The following KCNK12 variants were observed in gnomAD, a reference collection of about 807,000 sequenced individuals.
KCNK12 encodes potassium channel subfamily K member 12.
Under a neutral mutation model 25.3 loss-of-function variants are expected in KCNK12, and 6 were observed. That is an observed-to-expected ratio of 0.24 (90% confidence interval 0.13 to 0.47). The LOEUF is 0.47. Among genes scored for constraint, KCNK12 ranks in the 20% least tolerant of loss-of-function variants. KCNK12 has a pLI of 0.99. For missense variants in KCNK12, 444 were observed against 661.7 expected, an observed-to-expected ratio of 0.67 and a Z score of 3.61; for synonymous variants, 331 against 311.1, an observed-to-expected ratio of 1.06 and a Z score of -0.67.
rs1370371617 is a variant in KCNK12, at chr2:47,565,356, G to C, written c.391+4585C>G. 2 of 152,160 alleles carry C rather than the reference G, an allele frequency of 1.3e-5. No homozygotes were observed. Among genetic ancestry groups the C allele is most frequent in the Non-Finnish European group, 2.9e-5 (2 of 68,026 alleles). 9.4% of individuals were successfully genotyped at this position (152,160 alleles called of 1,614,324 possible). ...CTTAGTTTCCTTTGTAGCAAAAAGA[G>C]TTTTAAAAATCCATGTTGAAAAAGA... is the stretch of plus-strand genomic sequence containing the variant. On this transcript the variant is annotated intron_variant, in intron 1 of 1. Transcript: ENST00000327876. The surrounding 1 kb of genome is among the most constrained non-coding windows in gnomAD (Gnocchi z 5.0).
In KCNK12 at chr2:47,520,165, C is replaced by G. The variant is rs1366055839; in HGVS notation, c.*742G>C. 6.6e-6 allele frequency: 1 copy of G among 152,300 alleles called. No homozygotes were observed. The highest frequency in any genetic ancestry group is 1.5e-5 in the Non-Finnish European group (1 of 68,132). The allele number at this position is 152,300 out of a possible 1,614,324, so 9.4% of individuals were successfully genotyped here. On this transcript the variant is annotated 3_prime_UTR_variant, in exon 2 of 2. Transcript: ENST00000327876. This position sits in a 1 kb window ranked among gnomAD's most constrained non-coding sequence, Gnocchi z 5.0. Reference sequence around the variant, plus strand: ...AGCTAAAAGCCCAGCAGGGCTCCTGCAGCCTCACCGCTCCCCTCCTCACAG... The same window carrying G: ...AGCTAAAAGCCCAGCAGGGCTCCTGGAGCCTCACCGCTCCCCTCCTCACAG...
Position 47,551,677 on chromosome 2 carries a change from C to T in KCNK12, c.391+18264G>A, listed in dbSNP as rs188221195. Among the ~76,000 whole-genome samples, 14 of 152,332 alleles carry T rather than the reference C, an allele frequency of 9.2e-5. No individual in the cohort carries two copies. The highest frequency in any genetic ancestry group is 7.7e-4 in the East Asian group (4 of 5,188). On this transcript the variant is annotated intron_variant, in intron 1 of 1. Transcript: ENST00000327876. The surrounding 1 kb of genome is among the most constrained non-coding windows in gnomAD (Gnocchi z 5.3). ...AATCAGTATTACCCCCTACCCCACA[C>T]GGCACCATATTTTTCTGGAGCTCTC... is the stretch of plus-strand genomic sequence containing the variant.
rs75635998 is a variant in KCNK12, at chr2:47,559,954, C to T, written c.391+9987G>A. On this transcript the variant is annotated intron_variant, in intron 1 of 1. Transcript: ENST00000327876. ...GGCTTAAAGTGCGAGGTAAGGGGGACAGAAGTTAAGGGTGGCTAGAGAAGA... is the reference window on the plus strand; with the variant it reads ...GGCTTAAAGTGCGAGGTAAGGGGGATAGAAGTTAAGGGTGGCTAGAGAAGA... Among the ~76,000 whole-genome samples, 396 of 152,262 alleles carry T rather than the reference C, an allele frequency of 2.6e-3. 3 individuals are homozygous for T. The highest frequency in any genetic ancestry group is 0.01 in the South Asian group (50 of 4,828).
chr2:47,523,711 T>G (rs1318552997), intron 1 of KCNK12, among the ~76,000 whole-genome samples: 1 of 152,136 alleles, frequency 6.6e-6, no homozygotes, highest in African/African-American at 2.4e-5. Flanking sequence ...GGGTTTCATC[T>G]CTTGGTGGAA....
chr2:47,548,764 G>T lies in KCNK12; in HGVS notation c.391+21177C>A, dbSNP rs1669365065. Among the ~76,000 whole-genome samples the T allele has an allele frequency of 6.6e-6, 1 of 152,226 alleles. No homozygotes were observed. The highest frequency in any genetic ancestry group is 2.1e-4 in the South Asian group (1 of 4,832). ...TCCCTGAGAGAAGGGAAACAAACAA[G>T]GTGAGCCCTTCAAAAGCCCTGGTTT... On this transcript the variant is annotated intron_variant, in intron 1 of 1. Coordinates refer to ENST00000327876, the MANE Select transcript of KCNK12 (RefSeq NM_022055.2). This position sits in a 1 kb window ranked among gnomAD's most constrained non-coding sequence, Gnocchi z 4.4.
chr2:47,524,822 C>A (rs115698760), intron 1 of KCNK12, among the ~76,000 whole-genome samples: 418 of 152,244 alleles, frequency 2.7e-3, no homozygotes, highest in African/African-American at 9.4e-3. Context: ...GTACCCATCA[C>A]TGTATAGGTG....
rs1416765055 is a variant in KCNK12, at chr2:47,521,495, G to A, written c.705C>T (p.Tyr235=). ...VLLSCCASAM[Y]TSVEGWDYVD... is the part of the protein sequence containing the mutation. The stretch of plus-strand genomic sequence containing the variant: ...CGTAGTCCCAGCCCTCCACGCTGGT[G>A]TACATGGCCGAGGCGCAGCAGGACA... Residue 235 remains tyrosine, a synonymous_variant, in exon 2 of 2, where the codon TAC becomes TAT. Transcript: ENST00000327876. 6.2e-7 allele frequency: 1 copy of A among 1,601,186 alleles called. No individual in the cohort carries two copies.
At position 47,556,619 on chromosome 2, in the gene KCNK12, G is replaced by A. The variant is rs772021309; in HGVS notation, c.391+13322C>T. 5.8e-4 allele frequency among the ~76,000 whole-genome samples: 88 copies of A among 152,150 alleles called. No individual in the cohort carries two copies. Among genetic ancestry groups the A allele is most frequent in the East Asian group, 5.8e-4 (3 of 5,192 alleles). On this transcript the variant is annotated intron_variant, in intron 1 of 1. Transcript: ENST00000327876. This position sits in a 1 kb window ranked among gnomAD's most constrained non-coding sequence, Gnocchi z 4.8. ...CTGCTTGAGGGCAGATGAAGAATACGTGGGAAGTTGGTATTTTGATAGGGG... is the reference window on the plus strand; with the variant it reads ...CTGCTTGAGGGCAGATGAAGAATACATGGGAAGTTGGTATTTTGATAGGGG...
chr2:47,533,594 C>T lies in KCNK12; in HGVS notation c.392-11786G>A, dbSNP rs896292016. Among the ~76,000 whole-genome samples the T allele has an allele frequency of 4.6e-5, 7 of 152,236 alleles. No homozygotes were observed. The highest frequency in any genetic ancestry group is 1.0e-4 in the Non-Finnish European group (7 of 68,042). On this transcript the variant is annotated intron_variant, in intron 1 of 1. Coordinates refer to ENST00000327876, the MANE Select transcript of KCNK12 (RefSeq NM_022055.2). The surrounding 1 kb of genome is among the most constrained non-coding windows in gnomAD (Gnocchi z 4.7). ...ATTGGCTCGCCGTTCTCCTACCTCG[C>T]TGGGCCTCCATCTCCCCACCTCTGG...
chr2:47,516,158 C>T lies in KCNK12; in HGVS notation c.*4749G>A, dbSNP rs1668519370. Among the ~76,000 whole-genome samples the T allele has an allele frequency of 6.6e-6, 1 of 152,182 alleles. No homozygotes were observed. The highest frequency in any genetic ancestry group is 2.4e-5 in the African/African-American group (1 of 41,436). ...CTAAGTGGACGCTCTTTCTACACCA[C>T]CATAATGTGAGTGTTCTGTGTTTAC... On this transcript the variant is annotated 3_prime_UTR_variant, in exon 2 of 2. Transcript: ENST00000327876.
Position 47,569,376 on chromosome 2 carries a change from G to C in KCNK12, c.391+565C>G, listed in dbSNP as rs551490965. On this transcript the variant is annotated intron_variant, in intron 1 of 1. Transcript: ENST00000327876. This position sits in a 1 kb window ranked among gnomAD's most constrained non-coding sequence, Gnocchi z 4.1. ...CCTCAGGCTAACGGGCTTTACTTTG[G>C]GGGGCGGTATAGACTGTAGGAGAAG... Among the ~76,000 whole-genome samples the C allele has an allele frequency of 3.3e-5, 5 of 152,138 alleles. No homozygotes were observed. Among genetic ancestry groups the C allele is most frequent in the Admixed American group, 6.5e-5 (1 of 15,278 alleles).
intron 1 of KCNK12, among the ~76,000 whole-genome samples, chr2:47,534,516 C>CA (rs1669012033): frequency 5.0e-5 from 1 of 19,894 alleles, no homozygotes; most frequent in African/African-American, 3.5e-4. Context: ...CCCCTTCTAA[C>CA]CCCCCCCCCC....
intron 1 of KCNK12, among the ~76,000 whole-genome samples, chr2:47,561,674 T>A (rs1415404249): frequency 6.6e-6 from 1 of 152,162 alleles, no homozygotes; most frequent in African/African-American, 2.4e-5. Flanking sequence ...CACCCATGGG[T>A]TAGAGCCTTC....
intron 1 of KCNK12, among the ~76,000 whole-genome samples, chr2:47,541,978 T>TAGC (rs908359477): frequency 2.0e-4 from 31 of 152,216 alleles, no homozygotes; most frequent in South Asian, 1.7e-3. Context: ...CTGTTTTCTG[T>TAGC]AGCAGCAGCA....
chr2:47,542,211 G>A (rs1348214873), intron 1 of KCNK12, among the ~76,000 whole-genome samples: 1 of 152,168 alleles, frequency 6.6e-6, no homozygotes, highest in Non-Finnish European at 1.5e-5. Context: ...GGCTCTCTCT[G>A]ACGCAGCTCT....
intron 1 of KCNK12, among the ~76,000 whole-genome samples, chr2:47,535,437 TGCACCCCTCCTCTAATGGGGGC>T (rs572889812): frequency 4.0e-5 from 6 of 151,814 alleles, no homozygotes; most frequent in South Asian, 2.1e-4. Flanking sequence ...AGGGGTAAGG[TGCACCCCTCCTCTAATGGGGGC>T]GCACCCCTCC....
chr2:47,559,814 C>T (rs1443787568), intron 1 of KCNK12, among the ~76,000 whole-genome samples: 1 of 152,150 alleles, frequency 6.6e-6, no homozygotes, highest in East Asian at 1.9e-4. Context: ...ACAGTAGGTC[C>T]CTCTCTAGTG....
In KCNK12 at chr2:47,521,607, G is replaced by C. The variant is rs1668656345; in HGVS notation, c.593C>G (p.Ser198Cys). The change falls in exon 2 of 2, where the codon TCC becomes TGC. Residue 198 changes from serine (S) to cysteine (C), a missense_variant. Ser to Cys is a moderately radical substitution (Grantham distance 112). This residue lies in a region of KCNK12 where 36 missense variants were observed against 36.4 expected (regional missense o/e 0.99). Coordinates refer to ENST00000327876, the MANE Select transcript of KCNK12 (RefSeq NM_022055.2). ...GLLPATFRRG[S>C]ALSEADSLAG... ...CAGGCTGTCGGCCTCCGAGAGCGCGGAGCCGCGGCGGAAGGTGGCGGGCAG... is the reference window on the plus strand; with the variant it reads ...CAGGCTGTCGGCCTCCGAGAGCGCGCAGCCGCGGCGGAAGGTGGCGGGCAG... The C allele has an allele frequency of 6.4e-7, 1 of 1,567,264 alleles. No individual in the cohort carries two copies. The highest frequency in any genetic ancestry group is 1.2e-5 in the South Asian group (1 of 85,946).
At chr2:47,527,462 G>A (rs1010245836) in intron 1 of KCNK12, 3 of 152,502 alleles carry the variant, frequency 2.0e-5, no homozygotes, top group Non-Finnish European at 4.4e-5. Context: ...GTGCAGAGGA[G>A]ACTGCTGCTT....
Sources: gnomAD v4.1 joint callset for allele counts (sites outside exome capture counted in the v4.1 genomes callset) on GRCh38, gnomAD v4.1.1 for gene constraint, gnomAD v4.1.1 regional missense constraint, Gnocchi (gnomAD v3.1) non-coding constraint, MANE v1.5 for transcripts, NCBI Gene and HGNC (gene_info 2026-07-23, HGNC 2026-07-21) for gene names.